DENND4C: variants seen among roughly 807,000 people sequenced by gnomAD.
DENND4C encodes DENN domain containing 4C, also known as DENN domain-containing protein 4C.
Under a neutral mutation model 203.0 loss-of-function variants are expected in DENND4C, and 108 were observed. The observed-to-expected ratio is 0.53, with a 90% confidence interval of 0.46 to 0.62. The LOEUF is 0.62. Among genes scored for constraint, DENND4C ranks in the 20% least tolerant of loss-of-function variants. The pLI is 0.00. For synonymous variants in DENND4C, 871 were observed against 792.4 expected (o/e 1.10, Z -1.67); for missense variants, 2,481 against 2,301.2 (o/e 1.08, Z -1.60).
intron 19 of DENND4C, 28 bp downstream of exon 19, chr9:19,336,442 C>G: frequency 6.3e-7 from 1 of 1,595,178 alleles, no homozygotes; most frequent in Non-Finnish European, 8.5e-7. Context: ...AAATATAATT[C>G]CTTACTGAAC....
At chr9:19,239,350 G>A (rs1408451130) in intron 1 of DENND4C, among the ~76,000 whole-genome samples, 1 of 151,876 alleles carries the variant, frequency 6.6e-6, no homozygotes, top group East Asian at 1.9e-4. Context: ...TTGATCAGGG[G>A]TTATTTAGGA....
At chr9:19,252,730 CACACACACACAT>C (rs1303501328) in intron 1 of DENND4C, among the ~76,000 whole-genome samples, 1 of 151,732 alleles carries the variant, frequency 6.6e-6, no homozygotes, top group Non-Finnish European at 1.5e-5. Context: ...CACACACACA[CACACACACACAT>C]ACTTTTTTTT....
intron 22 of DENND4C, among the ~76,000 whole-genome samples, chr9:19,343,026 AC>A (rs918682653): frequency 2.6e-5 from 4 of 152,076 alleles, no homozygotes; most frequent in Non-Finnish European, 5.9e-5. Flanking sequence ...GTGCCTGTCC[AC>A]CGTTTGGCCA....
chr9:19,267,014 C>A (rs1830644240), intron 1 of DENND4C, among the ~76,000 whole-genome samples: 1 of 151,972 alleles, frequency 6.6e-6, no homozygotes, highest in South Asian at 2.1e-4. Flanking sequence ...AATTTTAAGA[C>A]TTTTTGTGGC....
intron 31 of DENND4C, 68 bp from the exon 32 acceptor site, chr9:19,371,688 T>C: frequency 3.8e-6 from 3 of 794,590 alleles, no homozygotes; most frequent in Non-Finnish European, 6.3e-6. Context: ...GTCTTCACCA[T>C]TAAAAAAAAT....
rs377614191 is a variant in DENND4C, at chr9:19,333,264, A to G, written c.2460+1080A>G. ...ACTCATGGTGTCAAGCCATCCTTCT[A>G]CTTGGCCTCCCAAAGTGCCAAGATT... is the stretch of plus-strand genomic sequence containing the variant. On this transcript the variant is annotated intron_variant, in intron 17 of 32. Coordinates refer to ENST00000434457, the MANE Select transcript of DENND4C (RefSeq NM_001330640.2). Among the ~76,000 whole-genome samples, 413 of 150,358 alleles carry G rather than the reference A, an allele frequency of 2.7e-3. 2 individuals are homozygous for G. The highest frequency in any genetic ancestry group is 3.4e-3 in the Admixed American group (51 of 15,126).
chr9:19,348,797 A>G (rs991221477), intron 23 of DENND4C, among the ~76,000 whole-genome samples: 1 of 152,084 alleles, frequency 6.6e-6, no homozygotes, highest in African/African-American at 2.4e-5. Flanking sequence ...AAAAAGAAAA[A>G]AAAAAGTGTA....
Position 19,320,451 on chromosome 9 carries a change from G to A in DENND4C, c.1807+3612G>A, listed in dbSNP as rs181928822. On this transcript the variant is annotated intron_variant, in intron 12 of 32. Transcript: ENST00000434457. ...TGACCTCAGGTGATCTGCCTGCCTC[G>A]GCCTTCCAAAATGCTGGGATTACAG... is the stretch of plus-strand genomic sequence containing the variant. 1.2e-3 allele frequency among the ~76,000 whole-genome samples: 189 copies of A among 152,176 alleles called. 1 individual carries two copies. The highest frequency in any genetic ancestry group is 2.2e-3 in the Non-Finnish European group (152 of 68,004).
At chr9:19,254,168 A>G (rs909343072) in intron 1 of DENND4C, among the ~76,000 whole-genome samples, 3 of 152,210 alleles carry the variant, frequency 2.0e-5, no homozygotes, top group Non-Finnish European at 4.4e-5. Context: ...ATTATGGAGC[A>G]CAATATGGAG....
At chr9:19,272,399 A>G (rs563653256) in intron 1 of DENND4C, among the ~76,000 whole-genome samples, 4 of 152,092 alleles carry the variant, frequency 2.6e-5, no homozygotes, top group East Asian at 1.9e-4. Flanking sequence ...CCGCCTGGGC[A>G]ACAAGAACGA....
At chr9:19,286,152 G>T (rs983711609) in intron 2 of DENND4C, among the ~76,000 whole-genome samples, 4 of 151,994 alleles carry the variant, frequency 2.6e-5, no homozygotes, top group Non-Finnish European at 5.9e-5. Flanking sequence ...AATCTATTTG[G>T]GGGTATTGCC....
At position 19,336,721 on chromosome 9, in the gene DENND4C, A is replaced by G. The variant is rs1381961103; in HGVS notation, c.2770A>G (p.Thr924Ala). ...TGTCACAGGTGGAAGTGATGGGGAC[A>G]CGGTGAGCCACGGTAGTGTGGATAG... ...QNVTGGSDGDTVSHGSVDSSN... is the reference protein window; with the variant it reads ...QNVTGGSDGDAVSHGSVDSSN... Residue 924 changes from threonine (T) to alanine (A), a missense_variant, in exon 20 of 33, where the codon ACG becomes GCG. By Grantham distance (58) the Thr-to-Ala change is moderately conservative (BLOSUM62 0). This residue lies in a region of DENND4C where 2,289 missense variants were observed against 2,113.3 expected (regional missense o/e 1.08). Coordinates refer to ENST00000434457, the MANE Select transcript of DENND4C (RefSeq NM_001330640.2). The G allele has an allele frequency of 6.4e-7, 1 of 1,551,150 alleles. No individual in the cohort carries two copies. The highest frequency in any genetic ancestry group is 8.7e-7 in the Non-Finnish European group (1 of 1,147,112).
intron 10 of DENND4C, among the ~76,000 whole-genome samples, chr9:19,314,487 C>G (rs976351918): frequency 1.3e-5 from 2 of 152,004 alleles, no homozygotes; most frequent in East Asian, 3.9e-4. Context: ...GTGATGGGTG[C>G]ACCTAAATCT....
intron 1 of DENND4C, among the ~76,000 whole-genome samples, chr9:19,249,907 T>A (rs1826142184): frequency 6.6e-6 from 1 of 152,016 alleles, no homozygotes; most frequent in Admixed American, 6.6e-5. Flanking sequence ...ATCCTCCCAC[T>A]TCAGCCTCCC....
chr9:19,300,750 C>A (rs1052000245), intron 9 of DENND4C, among the ~76,000 whole-genome samples: 1 of 152,162 alleles, frequency 6.6e-6, no homozygotes, highest in African/African-American at 2.4e-5. Context: ...ACAGGAAATT[C>A]TAAGTGATTG....
chr9:19,297,154 A>G (rs550316649), intron 6 of DENND4C, among the ~76,000 whole-genome samples: 1 of 152,314 alleles, frequency 6.6e-6, no homozygotes, highest in East Asian at 1.9e-4. Context: ...AAGAGCTGTA[A>G]TGTATTAAAG....
chr9:19,356,951 TCC>T lies in DENND4C; in HGVS notation c.4782-16_4782-15del, dbSNP rs748054957. On this transcript the variant is annotated intron_variant, in intron 26 of 32. Transcript: ENST00000434457. ...CTTGAGGATTTTTAAAGGCTCTTTTTCCCCCCTTTTCCTTATGTAGCTTTTTC... is the reference window on the plus strand; with the variant it reads ...CTTGAGGATTTTTAAAGGCTCTTTTTCCCCTTTTCCTTATGTAGCTTTTTC... 6.2e-7 allele frequency: 1 copy of T among 1,604,776 alleles called. No homozygotes were observed. The highest frequency in any genetic ancestry group is 8.5e-7 in the Non-Finnish European group (1 of 1,176,412).
chr9:19,340,919 T>C, intron 20 of DENND4C, 73 bp from the exon 21 acceptor site: 1 of 1,277,832 alleles, frequency 7.8e-7, no homozygotes. Flanking sequence ...CAGTGGAATT[T>C]TCTTGTGATT....
intron 12 of DENND4C, among the ~76,000 whole-genome samples, chr9:19,323,961 G>T (rs1404999459): frequency 6.6e-6 from 1 of 152,182 alleles, no homozygotes; most frequent in African/African-American, 2.4e-5. Flanking sequence ...CTGACATTAT[G>T]CCACAAGTGG....
Sources: gnomAD v4.1 joint callset for allele counts (sites outside exome capture counted in the v4.1 genomes callset) on GRCh38, gnomAD v4.1.1 for gene constraint, gnomAD v4.1.1 regional missense constraint, MANE v1.5 for transcripts, NCBI Gene and HGNC (gene_info 2026-07-23, HGNC 2026-07-21) for gene names.